The following FBRS variants were observed in gnomAD, a reference collection of about 807,000 sequenced individuals.
The protein encoded by FBRS is probable fibrosin-1.
In FBRS, 15 loss-of-function variants were observed where a neutral mutation model predicts 86.1. That is an observed-to-expected ratio of 0.17 (90% CI 0.12 to 0.27). The LOEUF (loss-of-function observed/expected upper bound fraction) is 0.27. Ranked by LOEUF, FBRS falls within the 10% of genes least tolerant of loss-of-function variation. The probability of loss-of-function intolerance (pLI) is 1.00; values close to 1 mark genes in which losing one functional copy is unlikely to be tolerated. For synonymous variants in FBRS, 666 were observed against 575.8 expected, an observed-to-expected ratio of 1.16 and a Z score of -2.24; for missense variants, 1,367 against 1,301.6, an observed-to-expected ratio of 1.05 and a Z score of -0.77.
At chr16:30,666,304 C>T in intron 11 of FBRS, 2 of 645,216 alleles carry the variant, frequency 3.1e-6, no homozygotes, top group South Asian at 1.9e-5. Context: ...GGGCAGCTCC[C>T]TGGGGCTTGG....
intron 2 of FBRS, among the ~76,000 whole-genome samples, chr16:30,660,852 C>T (rs182713131): frequency 2.0e-5 from 3 of 152,286 alleles, no homozygotes; most frequent in Admixed American, 2.0e-4. Context: ...GAGGAAGCCG[C>T]TTGTGCTGCC....
In FBRS at chr16:30,660,034, G is replaced by A. The variant is rs999875555; in HGVS notation, c.459+57G>A. The A allele has an allele frequency of 4.4e-5, 67 of 1,530,960 alleles. No individual in the cohort carries two copies. In the East Asian group the frequency reaches 5.5e-4, roughly 13 times the overall value. The allele number at this position is 1,530,960 out of a possible 1,614,324, so 94.8% of individuals were successfully genotyped here. On this transcript the variant is annotated intron_variant, in intron 1 of 17. Coordinates refer to ENST00000356166, the MANE Select transcript of FBRS (RefSeq NM_001105079.3). ...GGTTTCCGAGGGGCAGCAAGGAGGG[G>A]GCAGTGCCCCTAGTGGGTGGAGTTG...
Position 30,666,660 on chromosome 16 carries a change from T to C in FBRS, c.1803+119T>C, listed in dbSNP as rs1308818289. On this transcript the variant is annotated intron_variant, in intron 12 of 17. Coordinates refer to ENST00000356166, the MANE Select transcript of FBRS (RefSeq NM_001105079.3). ...CCCAGAACATGGAGGCAGCCAGATG[T>C]GGAACAGCAGAGAGTGAGGGCTTTC... is the stretch of plus-strand genomic sequence containing the variant. 8 of 1,512,390 alleles carry C rather than the reference T, an allele frequency of 5.3e-6. No homozygotes were observed. The East Asian group carries it at 1.6e-4, about 30-fold the overall frequency. The allele number at this position is 1,512,390 out of a possible 1,614,324, so 93.7% of individuals were successfully genotyped here. A position where few individuals can be genotyped will look rare whatever the true frequency, so the allele number is the denominator to read the frequency against.
Position 30,668,518 on chromosome 16 carries a change from C to T in FBRS, c.2075-42C>T, listed in dbSNP as rs748684334. 4 of 1,574,584 alleles carry T rather than the reference C, an allele frequency of 2.5e-6. No individual in the cohort carries two copies. In the South Asian group the frequency reaches 4.5e-5, roughly 18 times the overall value. ...AGCCAGGCCTGGTGCCTGCTCAGCA[C>T]CGGCTGCCCAGTGCTCTGACCACCC... On this transcript the variant is annotated intron_variant, in intron 15 of 17. Transcript: ENST00000356166.
chr16:30,669,938 C>G lies in FBRS; in HGVS notation c.*293C>G. ...GGCCTCCTGAGGTACACCTTTGCCC[C>G]TGTAAGGGCCTCTAGGCCCTGGGCC... On this transcript the variant is annotated 3_prime_UTR_variant, in exon 18 of 18. Coordinates refer to ENST00000356166, the MANE Select transcript of FBRS (RefSeq NM_001105079.3). The surrounding 1 kb of genome is among the most constrained non-coding windows in gnomAD (Gnocchi z 5.9). 2 of 554,968 alleles carry G rather than the reference C, an allele frequency of 3.6e-6. No individual in the cohort carries two copies. Among genetic ancestry groups the G allele is most frequent in the Non-Finnish European group, 3.2e-6 (1 of 309,820 alleles). The allele number at this position is 554,968 out of a possible 1,614,324, so 34.4% of individuals were successfully genotyped here.
rs756002559 is a variant in FBRS, at chr16:30,664,932, A to T, written c.1563+12A>T. 6.2e-7 allele frequency: 1 copy of T among 1,609,898 alleles called. No individual in the cohort carries two copies. The highest frequency in any genetic ancestry group is 1.3e-5 in the African/African-American group (1 of 74,804). Reference sequence around the variant, plus strand: ...ACGGCCCCCACATGGTGAGCTCCTCATTGGGCTGGCGATGAGGCTCGGAGG... The same window carrying T: ...ACGGCCCCCACATGGTGAGCTCCTCTTTGGGCTGGCGATGAGGCTCGGAGG... On this transcript the variant is annotated intron_variant, in intron 8 of 17. Coordinates refer to ENST00000356166, the MANE Select transcript of FBRS (RefSeq NM_001105079.3).
At position 30,658,760 on chromosome 16, in the gene FBRS, A is replaced by G. The variant is rs967657768; in HGVS notation, c.-759A>G. The stretch of plus-strand genomic sequence containing the variant: ...AGGCTGGAGGAGCTGGGCCCGGAGG[A>G]GGCCCCTTTAAATCTCCTTAAAGGG... On this transcript the variant is annotated 5_prime_UTR_variant, in exon 1 of 18. Coordinates refer to ENST00000356166, the MANE Select transcript of FBRS (RefSeq NM_001105079.3). 3 of 152,180 alleles carry G rather than the reference A, an allele frequency of 2.0e-5. No homozygotes were observed. The highest frequency in any genetic ancestry group is 7.2e-5 in the African/African-American group (3 of 41,432). 9.4% of individuals were successfully genotyped at this position (152,180 alleles called of 1,614,324 possible).
rs1326821167 is a variant in FBRS, at chr16:30,669,697, G to A, written c.*52G>A. 3 of 1,524,694 alleles carry A rather than the reference G, an allele frequency of 2.0e-6. No individual in the cohort carries two copies. Among genetic ancestry groups the A allele is most frequent in the South Asian group, 2.5e-5 (2 of 80,344 alleles). The allele number at this position is 1,524,694 out of a possible 1,614,324, so 94.4% of individuals were successfully genotyped here. On this transcript the variant is annotated 3_prime_UTR_variant, in exon 18 of 18. Coordinates refer to ENST00000356166, the MANE Select transcript of FBRS (RefSeq NM_001105079.3). The surrounding 1 kb of genome is among the most constrained non-coding windows in gnomAD (Gnocchi z 5.9). ...GCTCCATCTCCCCTTCCTTTAACCA[G>A]GTCCTAGGGCTGAGGTTTTAAGCCA...
In FBRS at chr16:30,664,269, C is replaced by A. The variant is rs1449010911; in HGVS notation, c.1110C>A (p.Pro370=). 3 of 1,496,728 alleles carry A rather than the reference C, an allele frequency of 2.0e-6. No homozygotes were observed. Among genetic ancestry groups the A allele is most frequent in the Non-Finnish European group, 2.7e-6 (3 of 1,113,898 alleles). 92.7% of individuals were successfully genotyped at this position (1,496,728 alleles called of 1,614,324 possible). A position where few individuals can be genotyped will look rare whatever the true frequency, so the allele number is the denominator to read the frequency against. Residue 370 remains proline, a synonymous_variant, in exon 7 of 18, where the codon CCC becomes CCA. Coordinates refer to ENST00000356166, the MANE Select transcript of FBRS (RefSeq NM_001105079.3). The part of the protein sequence containing the change: ...APAPPVAQPP[P]SSSSSSSSSS... ...CCCCTCCCGTGGCTCAGCCTCCCCC[C>A]TCATCATCCTCTTCGTCCTCCTCCT...
Position 30,661,317 on chromosome 16 carries a change from G to A in FBRS, c.689G>A (p.Ser230Asn). The A allele has an allele frequency of 6.4e-7, 1 of 1,550,664 alleles. No individual in the cohort carries two copies. Among genetic ancestry groups the A allele is most frequent in the Non-Finnish European group, 8.7e-7 (1 of 1,147,060 alleles). The change falls in exon 4 of 18, where the codon AGT becomes AAT. Residue 230 changes from serine to asparagine, a missense_variant. By Grantham distance (46) the Ser-to-Asn change is conservative. This residue lies in a region of FBRS where 702 missense variants were observed against 598.7 expected (regional missense o/e 1.17). Coordinates refer to ENST00000356166, the MANE Select transcript of FBRS (RefSeq NM_001105079.3). ...LEAGYICDAE[S>N]DLDERVSDDD... ...CCTTCTCCCCAGTGTGACGCGGAAA[G>A]TGATCTGGACGAGAGGGTGAGTGGG...
chr16:30,665,329 A>G lies in FBRS; in HGVS notation c.1632A>G (p.Ala544=). 9.6e-6 allele frequency: 15 copies of G among 1,565,110 alleles called. No homozygotes were observed. Among genetic ancestry groups the G allele is most frequent in the Non-Finnish European group, 1.2e-5 (14 of 1,155,812 alleles). The change falls in exon 10 of 18, where the codon GCA becomes GCG. Residue 544 remains alanine, a synonymous_variant. Coordinates refer to ENST00000356166, the MANE Select transcript of FBRS (RefSeq NM_001105079.3). The surrounding 1 kb of genome is among the most constrained non-coding windows in gnomAD (Gnocchi z 4.1). ...AGCCGTACACGGCCTTCCCTCCCGC[A>G]GTGCCCGGGCTGCCTCCGGGCCTCC... ...RHNPYTAFPP[A]VPGLPPGLPP... is the part of the protein sequence containing the mutation.
In FBRS at chr16:30,662,402, C is replaced by T. The variant is rs1277099343; in HGVS notation, c.706-18C>T. On this transcript the variant is annotated intron_variant, in intron 4 of 17. Coordinates refer to ENST00000356166, the MANE Select transcript of FBRS (RefSeq NM_001105079.3). ...GCCCACCCACAACCTAACTCTATCC[C>T]TTGCCCTTCTTCCCCAGGTCTCCGA... 17 of 1,550,204 alleles carry T rather than the reference C, an allele frequency of 1.1e-5. No individual in the cohort carries two copies. In the East Asian group the frequency reaches 3.4e-4, roughly 31 times the overall value.
Position 30,660,283 on chromosome 16 carries a change from C to G in FBRS, c.480C>G (p.Pro160=). The part of the protein sequence containing the change: ...EALQKDASLQ[P]PERLEHRLKH... ...CACAGAAGGATGCATCTCTTCAGCC[C>G]CCAGAGCGACTGGAACATCGGCTGA... is the stretch of plus-strand genomic sequence containing the variant. The change falls in exon 2 of 18, where the codon CCC becomes CCG. Residue 160 remains proline (P), a synonymous_variant. Transcript: ENST00000356166. The G allele has an allele frequency of 1.5e-6, 2 of 1,309,052 alleles. No individual in the cohort carries two copies. Among genetic ancestry groups the G allele is most frequent in the African/African-American group, 1.5e-5 (1 of 64,990 alleles). 81.1% of individuals were successfully genotyped at this position (1,309,052 alleles called of 1,614,324 possible).
chr16:30,666,445 A>T, intron 11 of FBRS, 67 bp from the exon 12 acceptor site: 1 of 1,599,334 alleles, frequency 6.3e-7, no homozygotes, highest in Admixed American at 1.7e-5. Flanking sequence ...GATGCTGTGG[A>T]GATGCGAGGC....
rs759576828 is a variant in FBRS at position 30,662,591 on chromosome 16, T to C, written c.787T>C (p.Cys263Arg). The change falls in exon 6 of 18, where the codon TGT (cysteine) becomes CGT (arginine). Residue 263 changes from cysteine (C) to arginine (R), a missense_variant. Physicochemically the swap from Cys to Arg is radical, Grantham distance 180. Coordinates refer to ENST00000356166, the MANE Select transcript of FBRS (RefSeq NM_001105079.3). ...CCCCCACGGCGCCTTCAATGGGAAC[T>C]GTGAAGCAAAACTCTCCGTGGTCCC... Reference protein sequence around the residue: ...SGPHGAFNGNCEAKLSVVPKV... With the variant: ...SGPHGAFNGNREAKLSVVPKV... The C allele has an allele frequency of 1.9e-6, 3 of 1,541,756 alleles. No homozygotes were observed. Among genetic ancestry groups the C allele is most frequent in the South Asian group, 1.2e-5 (1 of 83,502 alleles).
At position 30,662,721 on chromosome 16, in the gene FBRS, C is replaced by T. The variant is rs1235145327; in HGVS notation, c.917C>T (p.Pro306Leu). ...CCACCGCCTCCACCGGTCCCTCGGC[C>T]TCCTGTCTCACCCCCTGCACCCCTG... ...KEPPPPPVPR[P>L]PVSPPAPLPA... is the part of the protein sequence containing the mutation. The change falls in exon 6 of 18, where the codon CCT (proline) becomes CTT (leucine). Residue 306 changes from proline (P) to leucine (L), a missense_variant. Pro to Leu is a moderately conservative substitution (Grantham distance 98). Coordinates refer to ENST00000356166, the MANE Select transcript of FBRS (RefSeq NM_001105079.3). The T allele has an allele frequency of 1.9e-6, 3 of 1,547,298 alleles. No homozygotes were observed. The highest frequency in any genetic ancestry group is 2.6e-6 in the Non-Finnish European group (3 of 1,144,908).
intron 2 of FBRS, 70 bp from the exon 3 acceptor site, chr16:30,661,110 C>T: frequency 1.3e-6 from 2 of 1,548,612 alleles, no homozygotes; most frequent in Non-Finnish European, 8.7e-7. Context: ...GAGCGCCCTG[C>T]TGGGAGCTGC....
chr16:30,665,085 T>C lies in FBRS; in HGVS notation c.1608+6T>C. 1 of 1,611,572 alleles carries C rather than the reference T, an allele frequency of 6.2e-7. No individual in the cohort carries two copies. The highest frequency in any genetic ancestry group is 8.5e-7 in the Non-Finnish European group (1 of 1,179,290). On this transcript the variant is annotated splice_donor_region_variant and intron_variant, in intron 9 of 17. Transcript: ENST00000356166. This position sits in a 1 kb window ranked among gnomAD's most constrained non-coding sequence, Gnocchi z 4.1. ...AAGGCCTTTTCCGACATAATGTGAG[T>C]GTGTGTGTGCGTGTGCGTATGGGGT...
chr16:30,666,465 A>G, intron 11 of FBRS, 47 bp from the exon 12 acceptor site: 2 of 1,613,590 alleles, frequency 1.2e-6, no homozygotes, highest in East Asian at 4.5e-5. Flanking sequence ...CGCCTGGCCC[A>G]GGACTCGGGT....
Sources: gnomAD v4.1 joint callset for allele counts (sites outside exome capture counted in the v4.1 genomes callset) on GRCh38, gnomAD v4.1.1 for gene constraint, gnomAD v4.1.1 regional missense constraint, Gnocchi (gnomAD v3.1) non-coding constraint, MANE v1.5 for transcripts, NCBI Gene and HGNC (gene_info 2026-07-23, HGNC 2026-07-21) for gene names.